GABRB2: variants seen among roughly 807,000 people sequenced by gnomAD.
GABRB2 encodes gamma-aminobutyric acid type A receptor subunit beta2.
GABRB2 carries 16 observed loss-of-function variants against 54.7 expected under a neutral mutation model. The observed-to-expected ratio is 0.29, with a 90% CI of 0.20 to 0.44. The LOEUF (loss-of-function observed/expected upper bound fraction) is 0.44. GABRB2 is among the 20% of genes least tolerant of loss of function. GABRB2 has a pLI of 1.00. For missense variants in GABRB2, 355 were observed against 644.0 expected, an observed-to-expected ratio of 0.55 and a Z score of 4.86; for synonymous variants, 244 against 233.8, an observed-to-expected ratio of 1.04 and a Z score of -0.40.
chr5:161,433,067 G>A (rs1186443492), intron 4 of GABRB2, among the ~76,000 whole-genome samples: 13 of 152,054 alleles, frequency 8.5e-5, no homozygotes, highest in Non-Finnish European at 1.5e-5. Flanking sequence ...GCAATTTGGA[G>A]GGATGATGCA....
intron 3 of GABRB2, among the ~76,000 whole-genome samples, chr5:161,464,021 TCTGA>T (rs1758206171): frequency 1.3e-5 from 2 of 151,992 alleles, no homozygotes; most frequent in Admixed American, 1.3e-4. Context: ...GAAGAAATTC[TCTGA>T]CTTTCGCTTC....
intron 3 of GABRB2, among the ~76,000 whole-genome samples, chr5:161,516,593 G>GATATGCC (rs1313273785): frequency 6.6e-6 from 1 of 152,164 alleles, no homozygotes; most frequent in Non-Finnish European, 1.5e-5. Flanking sequence ...CGTTGTTTTT[G>GATATGCC]ATATGCCACA....
At chr5:161,326,285 C>A in intron 9 of GABRB2, 83 bp downstream of exon 9, 2 of 1,573,406 alleles carry the variant, frequency 1.3e-6, no homozygotes, top group South Asian at 2.3e-5. Flanking sequence ...CTGCAAAGAT[C>A]CCACACATTT....
chr5:161,336,849 CCT>C (rs1256593453), intron 5 of GABRB2, 80 bp from the exon 6 acceptor site: 2 of 1,436,172 alleles, frequency 1.4e-6, no homozygotes, highest in Middle Eastern at 1.8e-4. Context: ...GAAAAAAATA[CCT>C]GTTTAGAAGA....
rs770848428 is a variant in GABRB2 at position 161,429,345 on chromosome 5, C to CAAA, written c.459-18291_459-18289dup. 4.1e-4 allele frequency among the ~76,000 whole-genome samples: 13 copies of CAAA among 31,424 alleles called. 2 individuals carry two copies. The Admixed American group carries it at 5.9e-3, about 14-fold the overall frequency. The allele number at this position is 31,424 out of a possible 152,430, so 20.6% of individuals were successfully genotyped here. On this transcript the variant is annotated intron_variant, in intron 4 of 9. Transcript: ENST00000393959. ...TGGGCGATAGAGCAAGAATCCGTCT[C>CAAA]AAAAAAAAAAAAAGAAAAAGAAAAA...
At chr5:161,517,958 G>T (rs193123610) in intron 3 of GABRB2, among the ~76,000 whole-genome samples, 2 of 151,924 alleles carry the variant, frequency 1.3e-5, no homozygotes, top group Non-Finnish European at 2.9e-5. Flanking sequence ...CACCACACCC[G>T]CCACCACGCC....
chr5:161,546,702 T>C lies in GABRB2; in HGVS notation c.-59A>G, dbSNP rs1440556092. 1.3e-6 allele frequency: 2 copies of C among 1,552,998 alleles called. No homozygotes were observed. Among genetic ancestry groups the C allele is most frequent in the South Asian group, 2.4e-5 (2 of 84,236 alleles). ...TGAAGAGAGGAGATCCAACTTAGTCTGCCCAGTGCAGTAATTCTAATGTGA... is the reference window on the plus strand; with the variant it reads ...TGAAGAGAGGAGATCCAACTTAGTCCGCCCAGTGCAGTAATTCTAATGTGA... On this transcript the variant is annotated 5_prime_UTR_variant, in exon 1 of 10. Transcript: ENST00000393959.
At chr5:161,363,724 G>T (rs1754890209) in intron 5 of GABRB2, among the ~76,000 whole-genome samples, 1 of 151,838 alleles carries the variant, frequency 6.6e-6, no homozygotes, top group Non-Finnish European at 1.5e-5. Flanking sequence ...AGAAACATTA[G>T]GGTTAGAAAG....
intron 3 of GABRB2, among the ~76,000 whole-genome samples, chr5:161,496,334 A>AT (rs1279842872): frequency 2.0e-5 from 3 of 152,080 alleles, no homozygotes; most frequent in Non-Finnish European, 2.9e-5. Flanking sequence ...ATTTTGATTC[A>AT]TTTTTTAATT....
chr5:161,412,993 C>A (rs770703156), intron 4 of GABRB2, among the ~76,000 whole-genome samples: 20 of 152,148 alleles, frequency 1.3e-4, no homozygotes. Flanking sequence ...GCAGCCTCAA[C>A]CTCCTGGTCT....
At chr5:161,441,102 A>G (rs750161302) in intron 4 of GABRB2, among the ~76,000 whole-genome samples, 102 of 152,294 alleles carry the variant, frequency 6.7e-4, no homozygotes, top group Non-Finnish European at 1.1e-3. Flanking sequence ...CAAAGCAAAA[A>G]TAGACAAATG....
intron 5 of GABRB2, among the ~76,000 whole-genome samples, chr5:161,340,886 A>G (rs1465123786): frequency 6.6e-6 from 1 of 152,068 alleles, no homozygotes; most frequent in Non-Finnish European, 1.5e-5. Flanking sequence ...GGAAATTGCT[A>G]ATAAGAAGTT....
chr5:161,454,925 A>G (rs908181474), intron 4 of GABRB2, among the ~76,000 whole-genome samples: 10 of 152,258 alleles, frequency 6.6e-5, no homozygotes, highest in African/African-American at 1.7e-4. Flanking sequence ...AATGATTTTC[A>G]TACTGAAAAG....
Position 161,455,539 on chromosome 5 carries a change from T to C in GABRB2, c.458+4085A>G, listed in dbSNP as rs1246683131. On this transcript the variant is annotated intron_variant, in intron 4 of 9. Coordinates refer to ENST00000393959, the MANE Select transcript of GABRB2 (RefSeq NM_001371727.1). ...AAATTTTGTTCCCCAATTTTTTTTT[T>C]TTTTTTTTTGAGACAGGGTACGGCT... 4.6e-5 allele frequency among the ~76,000 whole-genome samples: 7 copies of C among 151,870 alleles called. No individual in the cohort carries two copies. The East Asian group carries it at 9.7e-4, about 21-fold the overall frequency.
At chr5:161,443,588 A>T (rs961900422) in intron 4 of GABRB2, among the ~76,000 whole-genome samples, 23 of 152,142 alleles carry the variant, frequency 1.5e-4, no homozygotes, top group Admixed American at 1.4e-3. Context: ...CTGATAATCC[A>T]TATTATTTGG....
chr5:161,537,862 C>T (rs1033744723), intron 3 of GABRB2, among the ~76,000 whole-genome samples: 3 of 152,200 alleles, frequency 2.0e-5, no homozygotes, highest in Admixed American at 6.5e-5. Flanking sequence ...TCCTCACTCC[C>T]ACTCCAGTCT....
chr5:161,526,712 T>G lies in GABRB2; in HGVS notation c.237+18515A>C, dbSNP rs186397139. Among the ~76,000 whole-genome samples the G allele has an allele frequency of 3.4e-3, 521 of 151,562 alleles. 3 individuals are homozygous for G. Among genetic ancestry groups the G allele is most frequent in the African/African-American group, 0.012 (497 of 41,506 alleles). On this transcript the variant is annotated intron_variant, in intron 3 of 9. Coordinates refer to ENST00000393959, the MANE Select transcript of GABRB2 (RefSeq NM_001371727.1). Reference sequence around the variant, plus strand: ...TCATTTGGCCAAGAATCAAAAATAGTAATTGAATATAAGAATCCCATTGAC... The same window carrying G: ...TCATTTGGCCAAGAATCAAAAATAGGAATTGAATATAAGAATCCCATTGAC...
In GABRB2 at chr5:161,293,869, C is replaced by T. The variant is rs555889467; in HGVS notation, c.*212G>A. 5.3e-5 allele frequency: 29 copies of T among 543,770 alleles called. No homozygotes were observed. Among genetic ancestry groups the T allele is most frequent in the African/African-American group, 2.1e-4 (11 of 52,952 alleles). 33.7% of individuals were successfully genotyped at this position (543,770 alleles called of 1,614,324 possible). On this transcript the variant is annotated 3_prime_UTR_variant, in exon 10 of 10. Transcript: ENST00000393959. ...AGCCACCATGTGTAAAAATCACTTG[C>T]GTTTTAACTGGAAAACCACAAGGAC...
At chr5:161,422,196 T>C (rs558156770) in intron 4 of GABRB2, among the ~76,000 whole-genome samples, 17 of 152,238 alleles carry the variant, frequency 1.1e-4, no homozygotes, top group Admixed American at 2.0e-4. Context: ...TATACAAAAC[T>C]GTATGCCAGG....
Sources: allele counts gnomAD v4.1 joint callset (sites outside exome capture counted in the v4.1 genomes callset), GRCh38; gene constraint gnomAD v4.1.1; transcripts MANE v1.5; gene names NCBI Gene and HGNC (gene_info 2026-07-23, HGNC 2026-07-21).